Variants in FAM13C observed in about 807,000 individuals in gnomAD.
The protein encoded by FAM13C is family with sequence similarity 13 member C, also known as protein FAM13C.
A neutral mutation model predicts 73.2 loss-of-function variants in FAM13C; 37 were observed. The ratio of observed to expected loss-of-function variants is 0.51; its 90% confidence interval spans 0.39 to 0.67. The LOEUF (loss-of-function observed/expected upper bound fraction) is 0.67. Among genes scored for constraint, FAM13C ranks in the 30% least tolerant of loss-of-function variants. The pLI is 0.00. For missense variants in FAM13C, 589 were observed against 715.6 expected, an observed-to-expected ratio of 0.82 and a Z score of 2.02; for synonymous variants, 246 against 260.9, an observed-to-expected ratio of 0.94 and a Z score of 0.55.
intron 2 of FAM13C, among the ~76,000 whole-genome samples, chr10:59,353,182 G>A (rs537461629): frequency 1.6e-4 from 24 of 152,296 alleles, no homozygotes; most frequent in African/African-American, 5.3e-4. Context: ...GGCTGGGATG[G>A]CACTTGTGTT....
chr10:59,334,439 C>T (rs565124127), intron 3 of FAM13C, among the ~76,000 whole-genome samples: 2 of 152,210 alleles, frequency 1.3e-5, no homozygotes, highest in East Asian at 1.9e-4. Flanking sequence ...AATCATGCTG[C>T]TATAAAGACA....
At chr10:59,358,980 C>A (rs1856055518) in intron 1 of FAM13C, among the ~76,000 whole-genome samples, 2 of 152,184 alleles carry the variant, frequency 1.3e-5, no homozygotes, top group Non-Finnish European at 2.9e-5. Context: ...TTGGTAAAGA[C>A]CATCAACTTC....
In FAM13C at chr10:59,270,317, A is replaced by T. The variant is rs1403202197; in HGVS notation, c.593-208T>A. 5.3e-6 allele frequency: 3 copies of T among 567,872 alleles called. No individual in the cohort carries two copies. The African/African-American group carries it at 5.6e-5, about 11-fold the overall frequency. 35.2% of individuals were successfully genotyped at this position (567,872 alleles called of 1,614,324 possible). A position where few individuals can be genotyped will look rare whatever the true frequency, so the allele number is the denominator to read the frequency against. On this transcript the variant is annotated intron_variant, in intron 6 of 13. Coordinates refer to ENST00000618804, the MANE Select transcript of FAM13C (RefSeq NM_198215.4). ...AATATTACAAAGCTGTTAACAAAACAAAGGAAACAAATAAGTTTGGTATGA... is the reference window on the plus strand; with the variant it reads ...AATATTACAAAGCTGTTAACAAAACTAAGGAAACAAATAAGTTTGGTATGA...
In FAM13C at chr10:59,326,411, T is replaced by A. The variant is rs1471329478; in HGVS notation, c.325-2305A>T. On this transcript the variant is annotated intron_variant, in intron 3 of 13. Transcript: ENST00000618804. ...TAAGTAAGGAGTCTGGTACAAATCA[T>A]CCTGAATACTGATGAATGGAACAGG... Among the ~76,000 whole-genome samples the A allele has an allele frequency of 3.9e-5, 6 of 152,196 alleles. No homozygotes were observed. In the East Asian group the frequency reaches 1.2e-3, roughly 29 times the overall value.
At chr10:59,291,316 C>T (rs1846194680) in intron 5 of FAM13C, among the ~76,000 whole-genome samples, 1 of 152,196 alleles carries the variant, frequency 6.6e-6, no homozygotes, top group Non-Finnish European at 1.5e-5. Flanking sequence ...TCGACCATTA[C>T]AAGAAAAAGC....
In FAM13C at chr10:59,324,026, ATTG is replaced by A. The variant is rs746237708; in HGVS notation, c.402_404del (p.Asn135del). The A allele has an allele frequency of 1.7e-5, 27 of 1,614,040 alleles. No homozygotes were observed. In the African/African-American group the frequency reaches 3.3e-4, roughly 20 times the overall value. On this transcript the variant is annotated inframe_deletion, in exon 4 of 14. Transcript: ENST00000618804. ...GCACTGTTTCTTGGCACTTGAAGGC[ATTG>A]TTTTGTGGACTCTCATGAGCTGGTG...
intron 6 of FAM13C, among the ~76,000 whole-genome samples, chr10:59,279,486 T>G (rs1034874710): frequency 6.6e-6 from 1 of 152,238 alleles, no homozygotes; most frequent in African/African-American, 2.4e-5. Context: ...TATAATAAAG[T>G]ACTGCTATGG....
intron 4 of FAM13C, among the ~76,000 whole-genome samples, chr10:59,321,345 T>C (rs1589601752): frequency 6.7e-6 from 1 of 149,050 alleles, no homozygotes; most frequent in South Asian, 2.2e-4. Context: ...CCATGGAATG[T>C]GGGCAGCCTC....
At chr10:59,351,257 C>T (rs1024985921) in intron 3 of FAM13C, among the ~76,000 whole-genome samples, 3 of 148,516 alleles carry the variant, frequency 2.0e-5, no homozygotes, top group Non-Finnish European at 4.4e-5. Flanking sequence ...CACTTGAACC[C>T]GGCGGTGGAG....
chr10:59,249,817 G>A (rs1044627404), intron 13 of FAM13C, among the ~76,000 whole-genome samples: 4 of 152,134 alleles, frequency 2.6e-5, no homozygotes, highest in African/African-American at 9.7e-5. Context: ...GACAAATACA[G>A]ACTTATCTGA....
intron 3 of FAM13C, among the ~76,000 whole-genome samples, chr10:59,336,887 T>C (rs1300234192): frequency 1.3e-5 from 2 of 152,158 alleles, no homozygotes; most frequent in African/African-American, 2.4e-5. Context: ...CTCTACAAAC[T>C]TCCTGTCTAT....
intron 4 of FAM13C, among the ~76,000 whole-genome samples, chr10:59,303,300 C>T (rs1168959109): frequency 6.6e-6 from 1 of 152,208 alleles, no homozygotes; most frequent in African/African-American, 2.4e-5. Flanking sequence ...GACATGCCCT[C>T]ACCCTCACTC....
intron 3 of FAM13C, among the ~76,000 whole-genome samples, chr10:59,347,182 T>C (rs549885769): frequency 2.0e-5 from 3 of 152,318 alleles, no homozygotes; most frequent in Non-Finnish European, 4.4e-5. Context: ...CATTCTTGCA[T>C]TGCCTTCCAG....
intron 3 of FAM13C, among the ~76,000 whole-genome samples, chr10:59,352,049 T>C (rs1272921415): frequency 6.6e-6 from 1 of 152,022 alleles, no homozygotes; most frequent in Non-Finnish European, 1.5e-5. Context: ...GTCCAATATT[T>C]AAGAACACGT....
At chr10:59,286,026 C>A (rs117517987) in intron 5 of FAM13C, among the ~76,000 whole-genome samples, 1 of 152,080 alleles carries the variant, frequency 6.6e-6, no homozygotes, top group Admixed American at 6.5e-5. Flanking sequence ...TGTCCATGAG[C>A]GGATGAATGG....
At position 59,270,101 on chromosome 10, in the gene FAM13C, G is replaced by C; in HGVS notation, c.601C>G (p.Pro201Ala). The C allele has an allele frequency of 3.1e-6, 5 of 1,612,810 alleles. No homozygotes were observed. Among genetic ancestry groups the C allele is most frequent in the Non-Finnish European group, 4.2e-6 (5 of 1,179,654 alleles). ...ADGTDSADPS[P>A]VHKDGQNEAD... ...TCATTCTGCCCATCTTTGTGGACTG[G>C]TGAGGGGTCTGGGCAAATGAGACAA... Residue 201 changes from proline (P) to alanine (A), a missense_variant, in exon 7 of 14, where the codon CCA becomes GCA. Transcript: ENST00000618804.
chr10:59,347,086 GA>G (rs938125849), intron 3 of FAM13C, among the ~76,000 whole-genome samples: 1 of 151,968 alleles, frequency 6.6e-6, no homozygotes, highest in Non-Finnish European at 1.5e-5. Flanking sequence ...ATTGTCTAAG[GA>G]AAAAAGAGAT....
intron 3 of FAM13C, among the ~76,000 whole-genome samples, chr10:59,341,677 A>T (rs191308375): frequency 1.2e-3 from 180 of 152,238 alleles, no homozygotes; most frequent in African/African-American, 4.1e-3. Flanking sequence ...CAACAAGAGC[A>T]AAACTCCTCC....
chr10:59,283,493 C>T, intron 5 of FAM13C, 46 bp from the exon 6 acceptor site: 2 of 1,589,260 alleles, frequency 1.3e-6, no homozygotes, highest in Non-Finnish European at 1.7e-6. Context: ...CGAGGGCTTG[C>T]AGCTTCAGCA....
Sources: allele counts gnomAD v4.1 joint callset (sites outside exome capture counted in the v4.1 genomes callset), GRCh38; gene constraint gnomAD v4.1.1; transcripts MANE v1.5; gene names NCBI Gene and HGNC (gene_info 2026-07-23, HGNC 2026-07-21).